The following HCN1 variants were observed in gnomAD, a reference collection of about 807,000 sequenced individuals.
HCN1 encodes the protein hyperpolarization activated cyclic nucleotide gated potassium channel 1.
In HCN1, 13 loss-of-function variants were observed where a neutral mutation model predicts 78.9. That is an observed-to-expected ratio of 0.16 (90% CI 0.11 to 0.26). The LOEUF (loss-of-function observed/expected upper bound fraction) is 0.26, where lower values mean the gene tolerates loss of function less well. Ranked by LOEUF, HCN1 falls within the 10% of genes least tolerant of loss-of-function variation. HCN1 has a pLI of 1.00. For synonymous variants in HCN1, 552 were observed against 455.5 expected (o/e 1.21, Z -2.70); for missense variants, 810 against 1,154.3 (o/e 0.70, Z 4.32).
At chr5:45,349,131 C>G (rs1746826239) in intron 5 of HCN1, among the ~76,000 whole-genome samples, 1 of 152,110 alleles carries the variant, frequency 6.6e-6, no homozygotes, top group South Asian at 2.1e-4. Flanking sequence ...AAGTAAAGCT[C>G]TCCTCAGCAA....
At chr5:45,654,185 TG>T (rs1745727525) in intron 1 of HCN1, among the ~76,000 whole-genome samples, 1 of 152,044 alleles carries the variant, frequency 6.6e-6, no homozygotes, top group Non-Finnish European at 1.5e-5. Flanking sequence ...ATATAACCCA[TG>T]AATTATATTT....
intron 2 of HCN1, among the ~76,000 whole-genome samples, chr5:45,471,541 C>A (rs997187489): frequency 2.6e-5 from 4 of 151,742 alleles, no homozygotes; most frequent in Non-Finnish European, 5.9e-5. Context: ...CATTTGTTTC[C>A]TTTTGTTTTA....
chr5:45,538,222 A>C (rs899633476), intron 2 of HCN1, among the ~76,000 whole-genome samples: 15 of 152,136 alleles, frequency 9.9e-5, no homozygotes, highest in African/African-American at 3.6e-4. Context: ...TTAAATTCAT[A>C]CTTTTAGTAG....
chr5:45,327,934 G>A (rs1230703252), intron 5 of HCN1, among the ~76,000 whole-genome samples: 3 of 151,598 alleles, frequency 2.0e-5, no homozygotes, highest in Non-Finnish European at 3.0e-5. Flanking sequence ...TTTTGTTTAA[G>A]CCACCCAGTT....
intron 2 of HCN1, among the ~76,000 whole-genome samples, chr5:45,476,416 C>A (rs918036972): frequency 6.6e-6 from 1 of 152,076 alleles, no homozygotes; most frequent in African/African-American, 2.4e-5. Context: ...GTTGTTTAAG[C>A]CACCCAGTCT....
intron 6 of HCN1, among the ~76,000 whole-genome samples, chr5:45,281,577 T>C (rs1033521974): frequency 1.2e-4 from 17 of 142,852 alleles, no homozygotes; most frequent in Non-Finnish European, 2.4e-4. Flanking sequence ...AGCTCTTCTC[T>C]TCTTTTTTTT....
rs138788461 is a variant in HCN1 at position 45,404,619 on chromosome 5, T to C, written c.1012-7909A>G. On this transcript the variant is annotated intron_variant, in intron 3 of 7. Transcript: ENST00000303230. Reference sequence around the variant, plus strand: ...ATGCATTTTGAGCTTTCTATAGGCTTGAATGAAAATACTTTCTAGTCATCC... The same window carrying C: ...ATGCATTTTGAGCTTTCTATAGGCTCGAATGAAAATACTTTCTAGTCATCC... Among the ~76,000 whole-genome samples the C allele has an allele frequency of 3.0e-4, 42 of 141,360 alleles. 1 individual carries two copies. The East Asian group carries it at 5.6e-3, about 19-fold the overall frequency. The allele number at this position is 141,360 out of a possible 152,430, so 92.7% of individuals were successfully genotyped here.
At chr5:45,618,862 CG>C (rs1745006310) in intron 2 of HCN1, among the ~76,000 whole-genome samples, 1 of 151,130 alleles carries the variant, frequency 6.6e-6, no homozygotes, top group African/African-American at 2.4e-5. Context: ...GCAATCTAGA[CG>C]GGATATAAAG....
In HCN1 at chr5:45,374,172, T is replaced by C. The variant is rs371872401; in HGVS notation, c.1231-20926A>G. On this transcript the variant is annotated intron_variant, in intron 4 of 7. Coordinates refer to ENST00000303230, the MANE Select transcript of HCN1 (RefSeq NM_021072.4). ...TATATAATATACATTATATACATAA[T>C]ATATATTATATATTATATACATTAT... 1.1e-3 allele frequency among the ~76,000 whole-genome samples: 114 copies of C among 100,814 alleles called. 1 individual carries two copies. The highest frequency in any genetic ancestry group is 3.0e-3 in the African/African-American group (80 of 26,474). 66.1% of individuals were successfully genotyped at this position (100,814 alleles called of 152,430 possible).
intron 2 of HCN1, among the ~76,000 whole-genome samples, chr5:45,521,339 C>T (rs1168783105): frequency 1.3e-5 from 2 of 151,866 alleles, no homozygotes; most frequent in African/African-American, 4.8e-5. Context: ...TATGGTACCA[C>T]AGACTAGATA....
intron 3 of HCN1, among the ~76,000 whole-genome samples, chr5:45,440,022 CATATA>C (rs2112085370): frequency 6.8e-6 from 1 of 147,694 alleles, no homozygotes; most frequent in Non-Finnish European, 1.5e-5. Flanking sequence ...TATATAGTAT[CATATA>C]ATGTAATGTA....
At chr5:45,281,701 C>T (rs1415152658) in intron 6 of HCN1, among the ~76,000 whole-genome samples, 1 of 148,494 alleles carries the variant, frequency 6.7e-6, no homozygotes, top group Non-Finnish European at 1.5e-5. Flanking sequence ...AATTATCCTG[C>T]CTCAGCCTCC....
rs192888159 is a variant in HCN1, at chr5:45,395,453, A to G, written c.1230+1039T>C. Among the ~76,000 whole-genome samples, 6 of 152,314 alleles carry G rather than the reference A, an allele frequency of 3.9e-5. No individual in the cohort carries two copies. The South Asian group carries it at 6.2e-4, about 16-fold the overall frequency. On this transcript the variant is annotated intron_variant, in intron 4 of 7. Coordinates refer to ENST00000303230, the MANE Select transcript of HCN1 (RefSeq NM_021072.4). ...TCATTACTTCAGTAATAAAATGCCAACTTGCTCACTGTAATAGCTAGTGGC... is the reference window on the plus strand; with the variant it reads ...TCATTACTTCAGTAATAAAATGCCAGCTTGCTCACTGTAATAGCTAGTGGC...
chr5:45,423,796 C>G (rs887122190), intron 3 of HCN1, among the ~76,000 whole-genome samples: 3 of 152,160 alleles, frequency 2.0e-5, no homozygotes, highest in Non-Finnish European at 2.9e-5. Flanking sequence ...AACATCTAAA[C>G]TCCAAAATAT....
At chr5:45,649,363 C>T (rs1745633462) in intron 1 of HCN1, among the ~76,000 whole-genome samples, 1 of 151,928 alleles carries the variant, frequency 6.6e-6, no homozygotes, top group Admixed American at 6.6e-5. Context: ...TCCCCATTAT[C>T]AACATCCCCC....
chr5:45,441,075 A>G (rs1740668232), intron 3 of HCN1, among the ~76,000 whole-genome samples: 1 of 152,138 alleles, frequency 6.6e-6, no homozygotes. Context: ...TTCTGATTAA[A>G]TGTCATCTTT....
intron 5 of HCN1, among the ~76,000 whole-genome samples, chr5:45,338,772 C>G (rs1746515940): frequency 6.6e-6 from 1 of 152,074 alleles, no homozygotes; most frequent in Non-Finnish European, 1.5e-5. Context: ...GTACATAATA[C>G]TCCAATTTGA....
At chr5:45,487,861 T>G (rs1309600405) in intron 2 of HCN1, among the ~76,000 whole-genome samples, 1 of 152,126 alleles carries the variant, frequency 6.6e-6, no homozygotes. Context: ...AGATCTCATT[T>G]GCTGAGCGAC....
At chr5:45,663,656 C>G (rs1745969229) in intron 1 of HCN1, among the ~76,000 whole-genome samples, 1 of 151,412 alleles carries the variant, frequency 6.6e-6, no homozygotes. Flanking sequence ...AGGACATGAA[C>G]AGACACTTCT....
Sources: allele counts gnomAD v4.1 joint callset (sites outside exome capture counted in the v4.1 genomes callset), GRCh38; gene constraint gnomAD v4.1.1; transcripts MANE v1.5; gene names NCBI Gene and HGNC (gene_info 2026-07-23, HGNC 2026-07-21).